GANC: variants seen among roughly 807,000 people sequenced by gnomAD.
The protein encoded by GANC is glucosidase alpha, neutral C, also known as neutral alpha-glucosidase C.
A neutral mutation model predicts 124.2 loss-of-function variants in GANC; 117 were observed. The observed-to-expected ratio is 0.94, with a 90% CI of 0.81 to 1.10. The LOEUF is 1.10. GANC is among the 50% of genes least tolerant of loss of function. GANC has a pLI of 0.00. For missense variants in GANC, 1,140 were observed against 1,095.0 expected (o/e 1.04, Z -0.58); for synonymous variants, 377 against 376.8 (o/e 1.00, Z -0.01).
Position 42,273,296 on chromosome 15 carries a change from C to T in GANC, c.-1186C>T. Reference sequence around the variant, plus strand: ...TGCCATTTGGACCGGTCGGCAGCAGCTACGGTTGCCGGTCCCGCACTGAAA... The same window carrying T: ...TGCCATTTGGACCGGTCGGCAGCAGTTACGGTTGCCGGTCCCGCACTGAAA... On this transcript the variant is annotated 5_prime_UTR_variant, in exon 1 of 24. Transcript: ENST00000318010. 1.2e-6 allele frequency: 2 copies of T among 1,614,172 alleles called. No individual in the cohort carries two copies. Among genetic ancestry groups the T allele is most frequent in the South Asian group, 2.2e-5 (2 of 91,088 alleles).
chr15:42,342,145 T>TC (rs2052332797), intron 18 of GANC, among the ~76,000 whole-genome samples: 1 of 152,168 alleles, frequency 6.6e-6, no homozygotes, highest in Admixed American at 6.5e-5. Context: ...GGCCACTATA[T>TC]CCCCAGAGCC....
At position 42,330,648 on chromosome 15, in the gene GANC, T is replaced by C; in HGVS notation, c.1717T>C (p.Phe573Leu). 1 of 1,608,666 alleles carries C rather than the reference T, an allele frequency of 6.2e-7. No homozygotes were observed. Among genetic ancestry groups the C allele is most frequent in the Non-Finnish European group, 8.5e-7 (1 of 1,178,528 alleles). The change falls in exon 15 of 24, where the codon TTC (phenylalanine) becomes CTC (leucine). Residue 573 changes from phenylalanine to leucine, a missense_variant. Coordinates refer to ENST00000318010, the MANE Select transcript of GANC (RefSeq NM_198141.3). ...KERPFVLTRS[F>L]FAGSQKYGAV... ...GAGACCCTTTGTTCTTACACGTTCT[T>C]TCTTTGCTGGATCACAAAAGTATGG...
At chr15:42,280,841 A>C (rs1892935071) in intron 3 of GANC, 5 of 664,508 alleles carry the variant, frequency 7.5e-6, no homozygotes, top group Non-Finnish European at 1.4e-5. Context: ...GTGGACACCC[A>C]CATATGCCAT....
intron 8 of GANC, among the ~76,000 whole-genome samples, chr15:42,308,569 C>T (rs566968507): frequency 1.1e-3 from 169 of 152,240 alleles, no homozygotes; most frequent in African/African-American, 3.9e-3. Flanking sequence ...CTGCAAGCTC[C>T]ACCTCCAGAG....
In GANC at chr15:42,273,916, A is replaced by G. The variant is rs537418918; in HGVS notation, c.-566A>G. On this transcript the variant is annotated 5_prime_UTR_variant, in exon 1 of 24. Transcript: ENST00000318010. ...ACGCGATTCCTAGACTGGGTAGTGT[A>G]ACAACCTTCAAAGGCCCCTTCTAGC... 18 of 192,218 alleles carry G rather than the reference A, an allele frequency of 9.4e-5. No individual in the cohort carries two copies. Among genetic ancestry groups the G allele is most frequent in the Non-Finnish European group, 1.9e-4 (17 of 91,880 alleles). The allele number at this position is 192,218 out of a possible 1,614,324, so 11.9% of individuals were successfully genotyped here. A position where few individuals can be genotyped will look rare whatever the true frequency, so the allele number is the denominator to read the frequency against.
At chr15:42,342,840 T>C (rs1301933625) in intron 18 of GANC, among the ~76,000 whole-genome samples, 2 of 152,208 alleles carry the variant, frequency 1.3e-5, no homozygotes. Flanking sequence ...AATCTCAGTA[T>C]ACCCAGAGTG....
chr15:42,296,067 C>G (rs1203233658), intron 5 of GANC, among the ~76,000 whole-genome samples: 1 of 150,510 alleles, frequency 6.6e-6, no homozygotes, highest in African/African-American at 2.5e-5. Flanking sequence ...TCACTTGAAC[C>G]TGGGAGGTGG....
At chr15:42,340,797 C>G in intron 18 of GANC, 43 bp downstream of exon 18, 1 of 1,467,598 alleles carries the variant, frequency 6.8e-7, no homozygotes, top group Non-Finnish European at 9.2e-7. Context: ...GACGGAGTCT[C>G]ACTCTGTCAC....
Position 42,307,428 on chromosome 15 carries a change from G to T in GANC, c.626-794G>T, listed in dbSNP as rs1205220351. Among the ~76,000 whole-genome samples, 4 of 150,914 alleles carry T rather than the reference G, an allele frequency of 2.7e-5. 1 individual carries two copies. In the East Asian group the frequency reaches 7.8e-4, roughly 29 times the overall value. ...GGCTTACTGCACCCTTGAACTCCTG[G>T]CCTTGAGTGATGCACCTGCCTCGGC... On this transcript the variant is annotated intron_variant, in intron 7 of 23. Coordinates refer to ENST00000318010, the MANE Select transcript of GANC (RefSeq NM_198141.3).
In GANC at chr15:42,348,107, C is replaced by T. The variant is rs777258012; in HGVS notation, c.2309C>T (p.Pro770Leu). ...VKIPVALDTI[P>L]VFQRGGSVIP... ...GAGCGTGCTGCTCTGTTACAGATTC[C>T]AGTGTTTCAGCGAGGTGGAAGTGTG... Residue 770 changes from proline to leucine, a missense_variant, in exon 21 of 24, where the codon CCA becomes CTA. Pro to Leu is a moderately conservative substitution (Grantham distance 98). Transcript: ENST00000318010. 2 of 1,596,374 alleles carry T rather than the reference C, an allele frequency of 1.3e-6. No individual in the cohort carries two copies. Among genetic ancestry groups the T allele is most frequent in the Non-Finnish European group, 1.7e-6 (2 of 1,169,410 alleles).
intron 7 of GANC, among the ~76,000 whole-genome samples, chr15:42,307,484 C>T (rs769775069): frequency 6.6e-6 from 1 of 152,250 alleles, no homozygotes; most frequent in Non-Finnish European, 1.5e-5. Flanking sequence ...CAGGCATGAG[C>T]CACCATACCC....
chr15:42,348,549 A>G (rs1194606342), intron 21 of GANC, among the ~76,000 whole-genome samples: 1 of 152,200 alleles, frequency 6.6e-6, no homozygotes, highest in Non-Finnish European at 1.5e-5. Flanking sequence ...GTCTCCCATA[A>G]AACGGTACCC....
At chr15:42,306,409 G>A (rs1182000808) in intron 6 of GANC, 137 bp from the exon 7 acceptor site, 14 of 661,700 alleles carry the variant, frequency 2.1e-5, no homozygotes, top group South Asian at 8.2e-5. Flanking sequence ...AGGTACTGAC[G>A]TCACACACTG....
At chr15:42,281,840 A>G (rs140550775) in intron 3 of GANC, among the ~76,000 whole-genome samples, 1 of 152,334 alleles carries the variant, frequency 6.6e-6, no homozygotes, top group East Asian at 1.9e-4. Flanking sequence ...GGTTATACAT[A>G]TACATTGATT....
intron 12 of GANC, 33 bp downstream of exon 12, chr15:42,326,457 ACATGTT>A (rs766381575): frequency 6.2e-7 from 1 of 1,613,290 alleles, no homozygotes; most frequent in Non-Finnish European, 8.5e-7. Flanking sequence ...TATTATTTCC[ACATGTT>A]CTGTCCCAAT....
intron 3 of GANC, chr15:42,284,198 A>T (rs1334245947): frequency 1.7e-6 from 1 of 595,896 alleles, no homozygotes; most frequent in Non-Finnish European, 3.0e-6. Context: ...CACCCACTGC[A>T]AATTTAAATA....
chr15:42,274,700 G>T (rs766989403), intron 1 of GANC, among the ~76,000 whole-genome samples, 190 bp downstream of exon 1: 1 of 152,222 alleles, frequency 6.6e-6, no homozygotes, highest in Non-Finnish European at 1.5e-5. Context: ...TAGGCCGGGT[G>T]CAGTGGCTCA....
At chr15:42,316,356 C>T (rs1477652249) in intron 10 of GANC, among the ~76,000 whole-genome samples, 3 of 151,870 alleles carry the variant, frequency 2.0e-5, no homozygotes, top group African/African-American at 7.3e-5. Context: ...TGGCTGGGCG[C>T]GCTGATATTT....
intron 1 of GANC, among the ~76,000 whole-genome samples, chr15:42,275,782 T>G (rs138492483): frequency 3.9e-4 from 59 of 152,304 alleles, no homozygotes; most frequent in African/African-American, 1.4e-3. Flanking sequence ...CTACGTCTGT[T>G]CTGTTCTTAT....
Sources: gnomAD v4.1 joint callset for allele counts (sites outside exome capture counted in the v4.1 genomes callset) on GRCh38, gnomAD v4.1.1 for gene constraint, MANE v1.5 for transcripts, NCBI Gene and HGNC (gene_info 2026-07-23, HGNC 2026-07-21) for gene names.